FLT1: variants seen among roughly 807,000 people sequenced by gnomAD.
FLT1 encodes the protein vascular endothelial growth factor receptor 1.
FLT1 carries 49 observed loss-of-function variants against 156.3 expected under a neutral mutation model. That is an observed-to-expected ratio of 0.31 (90% CI 0.25 to 0.40). The LOEUF is 0.40. FLT1 is among the 10% of genes least tolerant of loss of function. The probability of loss-of-function intolerance (pLI) is 1.00; values close to 1 mark genes in which losing one functional copy is unlikely to be tolerated. For missense variants in FLT1, 1,322 were observed against 1,637.2 expected, an observed-to-expected ratio of 0.81 and a Z score of 3.32; for synonymous variants, 594 against 583.8, an observed-to-expected ratio of 1.02 and a Z score of -0.25.
Position 28,301,203 on chromosome 13 carries a change from G to A in FLT1, c.*1964C>T, listed in dbSNP as rs1870501491. The A allele has an allele frequency of 4.3e-6, 1 of 232,414 alleles. No individual in the cohort carries two copies. The highest frequency in any genetic ancestry group is 5.6e-5 in the Admixed American group (1 of 17,730). The allele number at this position is 232,414 out of a possible 1,614,324, so 14.4% of individuals were successfully genotyped here. ...AAAAAAAAAGTAGAGAATTGACTGA[G>A]GTCTTCTTTTTTCTGTGTTTAACCT... On this transcript the variant is annotated 3_prime_UTR_variant, in exon 30 of 30. Transcript: ENST00000282397.
At chr13:28,321,344 C>T (rs1871452781) in intron 23 of FLT1, 119 bp downstream of exon 23, 4 of 1,287,724 alleles carry the variant, frequency 3.1e-6, no homozygotes. Flanking sequence ...TGTTTGTCTT[C>T]ACAGAAAGCC....
chr13:28,350,188 T>C (rs951321047), intron 15 of FLT1, among the ~76,000 whole-genome samples: 3 of 152,236 alleles, frequency 2.0e-5, no homozygotes, highest in African/African-American at 7.2e-5. Context: ...GAGTTAGCAC[T>C]GGGTCTCAGG....
intron 3 of FLT1, among the ~76,000 whole-genome samples, chr13:28,450,223 T>G (rs539233959): frequency 6.6e-6 from 1 of 152,298 alleles, no homozygotes; most frequent in South Asian, 2.1e-4. Flanking sequence ...TCATGTTGAT[T>G]AGAGGAAACA....
intron 25 of FLT1, among the ~76,000 whole-genome samples, chr13:28,313,327 T>C (rs940107963): frequency 6.6e-6 from 1 of 152,210 alleles, no homozygotes; most frequent in African/African-American, 2.4e-5. Context: ...CTCTTGGTCA[T>C]GTCTGCACGG....
chr13:28,329,535 G>T (rs1213486947), intron 19 of FLT1, 80 bp downstream of exon 19: 2 of 1,005,982 alleles, frequency 2.0e-6, no homozygotes, highest in East Asian at 4.8e-5. Flanking sequence ...CAGTGCGGGG[G>T]AGAAGGAGCT....
chr13:28,312,876 G>A (rs1472251061), intron 25 of FLT1, among the ~76,000 whole-genome samples: 1 of 152,204 alleles, frequency 6.6e-6, no homozygotes, highest in East Asian at 1.9e-4. Flanking sequence ...GAAAACATTT[G>A]TCTTAATAGC....
At position 28,317,594 on chromosome 13, in the gene FLT1, C is replaced by T. The variant is rs2138822590; in HGVS notation, c.3290G>A (p.Gly1097Glu). ...VLLWEIFSLG[G>E]SPYPGVQMDE... The stretch of plus-strand genomic sequence containing the variant: ...CATTTGTACTCCTGGGTATGGAGAC[C>T]CACCTGCGGGAGACAATGTGGAAAA... Residue 1097 changes from glycine to glutamate, a missense_variant, in exon 25 of 30, where the codon GGG becomes GAG. Gly to Glu is a moderately conservative substitution (Grantham distance 98). Coordinates refer to ENST00000282397, the MANE Select transcript of FLT1 (RefSeq NM_002019.4). 2 of 1,609,748 alleles carry T rather than the reference C, an allele frequency of 1.2e-6. No individual in the cohort carries two copies. The highest frequency in any genetic ancestry group is 4.5e-5 in the East Asian group (2 of 44,872).
intron 15 of FLT1, among the ~76,000 whole-genome samples, chr13:28,353,572 C>A (rs75375195): frequency 4.6e-3 from 572 of 123,172 alleles, no homozygotes; most frequent in East Asian, 5.1e-3. Flanking sequence ...GACTGTGTCT[C>A]AAAAAAAAAA....
intron 3 of FLT1, among the ~76,000 whole-genome samples, chr13:28,452,515 A>T (rs1879006228): frequency 6.6e-6 from 1 of 152,128 alleles, no homozygotes. Context: ...CCATCAAGTG[A>T]GTGTCTGCTT....
chr13:28,473,408 G>A (rs1880286597), intron 1 of FLT1, among the ~76,000 whole-genome samples: 1 of 151,792 alleles, frequency 6.6e-6, no homozygotes, highest in South Asian at 2.1e-4. Context: ...ACTTTGGGAG[G>A]CTGAGGAGGG....
chr13:28,477,209 A>T (rs1880597218), intron 1 of FLT1, among the ~76,000 whole-genome samples: 1 of 152,180 alleles, frequency 6.6e-6, no homozygotes, highest in East Asian at 1.9e-4. Flanking sequence ...TCACAGTTTA[A>T]CAGGGCACAT....
intron 3 of FLT1, among the ~76,000 whole-genome samples, chr13:28,465,156 A>G (rs908752144): frequency 2.0e-5 from 3 of 152,212 alleles, no homozygotes; most frequent in South Asian, 2.1e-4. Context: ...TCTGCTCTTA[A>G]TGCTGCACCT....
chr13:28,319,342 C>T, intron 24 of FLT1, 81 bp downstream of exon 24: 3 of 916,312 alleles, frequency 3.3e-6, no homozygotes, highest in South Asian at 1.4e-5. Context: ...AATCTAAAGG[C>T]TGTCTAACCA....
intron 17 of FLT1, among the ~76,000 whole-genome samples, chr13:28,336,900 A>G (rs1378157429): frequency 2.0e-5 from 3 of 151,932 alleles, no homozygotes; most frequent in African/African-American, 7.3e-5. Context: ...GGCACGCGCC[A>G]CTACAGCTGG....
At position 28,427,200 on chromosome 13, in the gene FLT1, C is replaced by G. The variant is rs1160283304; in HGVS notation, c.1395G>C (p.Lys465Asn). The G allele has an allele frequency of 6.2e-7, 1 of 1,614,086 alleles. No individual in the cohort carries two copies. The highest frequency in any genetic ancestry group is 2.2e-5 in the East Asian group (1 of 44,878). ...TAYGIPQPTI[K>N]WFWHPCNHNH... ...TATGGTTACAGGGGTGCCAGAACCA[C>G]TTGATTGTAGGTTGAGGGATACCAT... is the stretch of plus-strand genomic sequence containing the variant. The change falls in exon 10 of 30, where the codon AAG becomes AAC. Residue 465 changes from lysine to asparagine, a missense_variant. Coordinates refer to ENST00000282397, the MANE Select transcript of FLT1 (RefSeq NM_002019.4).
At chr13:28,475,032 G>A (rs1461291833) in intron 1 of FLT1, among the ~76,000 whole-genome samples, 1 of 152,152 alleles carries the variant, frequency 6.6e-6, no homozygotes, top group Non-Finnish European at 1.5e-5. Context: ...AACTTTAGAA[G>A]GCTGATTTTA....
intron 1 of FLT1, among the ~76,000 whole-genome samples, chr13:28,481,955 AAATAT>A (rs914961392): frequency 1.3e-5 from 2 of 152,222 alleles, no homozygotes; most frequent in African/African-American, 4.8e-5. Context: ...CCTCAAAATA[AAATAT>A]AATGGATTAC....
At chr13:28,393,021 C>T (rs1163165367) in intron 12 of FLT1, among the ~76,000 whole-genome samples, 1 of 151,536 alleles carries the variant, frequency 6.6e-6, no homozygotes, top group African/African-American at 2.4e-5. Context: ...AGTCTGAGTA[C>T]AAAAACAGAC....
intron 1 of FLT1, among the ~76,000 whole-genome samples, chr13:28,467,980 T>C (rs1221212148): frequency 6.6e-6 from 1 of 152,196 alleles, no homozygotes; most frequent in African/African-American, 2.4e-5. Context: ...CTCTCAAGAA[T>C]AAATGTCAGT....
Sources: gnomAD v4.1 joint callset for allele counts (sites outside exome capture counted in the v4.1 genomes callset) on GRCh38, gnomAD v4.1.1 for gene constraint, MANE v1.5 for transcripts, NCBI Gene and HGNC (gene_info 2026-07-23, HGNC 2026-07-21) for gene names.